The following COL16A1 variants were observed in gnomAD, a reference collection of about 807,000 sequenced individuals.
COL16A1 encodes the protein collagen type XVI alpha 1 chain.
Under a neutral mutation model 266.3 loss-of-function variants are expected in COL16A1, and 189 were observed. That is an observed-to-expected ratio of 0.71 (90% confidence interval 0.63 to 0.80). The LOEUF is 0.80. Ranked by LOEUF, COL16A1 falls within the 30% of genes least tolerant of loss-of-function variation. The probability of loss-of-function intolerance (pLI) is 0.00; values close to 1 mark genes in which losing one functional copy is unlikely to be tolerated. For missense variants in COL16A1, 1,928 were observed against 2,122.4 expected (o/e 0.91, Z 1.80); for synonymous variants, 740 against 782.3 (o/e 0.95, Z 0.90).
Position 31,665,156 on chromosome 1 carries a change from C to G in COL16A1, c.3555+16G>C, listed in dbSNP as rs377114893. 5.0e-5 allele frequency: 80 copies of G among 1,604,550 alleles called. No homozygotes were observed. Among genetic ancestry groups the G allele is most frequent in the Non-Finnish European group, 6.3e-5 (74 of 1,177,372 alleles). The stretch of plus-strand genomic sequence containing the variant: ...GGCTCAGATCTGTGACTTTGCCAAC[C>G]CAGGGTCCTGCTCACCTTCTCTGCT... On this transcript the variant is annotated intron_variant, in intron 56 of 70. Transcript: ENST00000373672.
chr1:31,661,580 T>A, intron 59 of COL16A1, 80 bp downstream of exon 59: 12 of 1,612,210 alleles, frequency 7.4e-6, no homozygotes, highest in Non-Finnish European at 1.0e-5. Flanking sequence ...CCACGGAGGA[T>A]CTGGATTTGA....
At position 31,657,203 on chromosome 1, in the gene COL16A1, C is replaced by T; in HGVS notation, c.4021-135G>A. 1 of 1,110,910 alleles carries T rather than the reference C, an allele frequency of 9.0e-7. No individual in the cohort carries two copies. Among genetic ancestry groups the T allele is most frequent in the Non-Finnish European group, 1.3e-6 (1 of 741,472 alleles). 68.8% of individuals were successfully genotyped at this position (1,110,910 alleles called of 1,614,324 possible). On this transcript the variant is annotated intron_variant, in intron 64 of 70. Transcript: ENST00000373672. The surrounding 1 kb of genome is among the most constrained non-coding windows in gnomAD (Gnocchi z 6.4). ...CGATCCTCCAGCCCTCACCCTCTGACAATCTGGGCACAGGCCGTGGAAACT... is the reference window on the plus strand; with the variant it reads ...CGATCCTCCAGCCCTCACCCTCTGATAATCTGGGCACAGGCCGTGGAAACT...
chr1:31,656,009 G>A lies in COL16A1; in HGVS notation c.4101+391C>T. On this transcript the variant is annotated intron_variant, in intron 66 of 70. Transcript: ENST00000373672. This position sits in a 1 kb window ranked among gnomAD's most constrained non-coding sequence, Gnocchi z 4.2. ...CCTCCCTCTCATCCCACAGCGCTATGTCTCATGTCTTCTGGAAAACTTGCC... is the reference window on the plus strand; with the variant it reads ...CCTCCCTCTCATCCCACAGCGCTATATCTCATGTCTTCTGGAAAACTTGCC... 1.5e-5 allele frequency: 5 copies of A among 330,750 alleles called. No individual in the cohort carries two copies. Among genetic ancestry groups the A allele is most frequent in the South Asian group, 1.4e-4 (5 of 34,702 alleles). 20.5% of individuals were successfully genotyped at this position (330,750 alleles called of 1,614,324 possible).
At chr1:31,655,948 G>T in intron 66 of COL16A1, 1 of 288,806 alleles carries the variant, frequency 3.5e-6, no homozygotes, top group Non-Finnish European at 6.6e-6. Flanking sequence ...TGTTCTCTCT[G>T]CAGCCTCTCC....
At chr1:31,673,093 G>A in intron 44 of COL16A1, 1 of 564,392 alleles carries the variant, frequency 1.8e-6, no homozygotes, top group South Asian at 1.9e-5. Flanking sequence ...CCACTTTCCA[G>A]ACAGGCATGT....
intron 37 of COL16A1, among the ~76,000 whole-genome samples, chr1:31,681,410 C>G (rs1643634302): frequency 6.6e-6 from 1 of 152,232 alleles, no homozygotes; most frequent in Non-Finnish European, 1.5e-5. Flanking sequence ...CCAGCTGCAG[C>G]CAGGCGTGTG....
intron 42 of COL16A1, 115 bp from the exon 43 acceptor site, chr1:31,675,426 C>T: frequency 2.1e-6 from 3 of 1,454,670 alleles, no homozygotes; most frequent in South Asian, 2.5e-5. Context: ...GAGCTGAGAG[C>T]CCTGGCTGGC....
In COL16A1 at chr1:31,656,005, C is replaced by T. The variant is rs1365852531; in HGVS notation, c.4101+395G>A. 1 of 330,298 alleles carries T rather than the reference C, an allele frequency of 3.0e-6. No homozygotes were observed. The highest frequency in any genetic ancestry group is 2.9e-5 in the South Asian group (1 of 34,646). The allele number at this position is 330,298 out of a possible 1,614,324, so 20.5% of individuals were successfully genotyped here. The stretch of plus-strand genomic sequence containing the variant: ...TGCTCCTCCCTCTCATCCCACAGCG[C>T]TATGTCTCATGTCTTCTGGAAAACT... On this transcript the variant is annotated intron_variant, in intron 66 of 70. Transcript: ENST00000373672. This position sits in a 1 kb window ranked among gnomAD's most constrained non-coding sequence, Gnocchi z 4.2.
rs1385286405 is a variant in COL16A1, at chr1:31,675,238, G to A, written c.2826+20C>T. 6.2e-7 allele frequency: 1 copy of A among 1,614,154 alleles called. No individual in the cohort carries two copies. On this transcript the variant is annotated intron_variant, in intron 43 of 70. Transcript: ENST00000373672. ...AGGGCAGGGAAGGGGCATGCACAGGGAGTCCTGGCCAGTACCCACCAGTTC... is the reference window on the plus strand; with the variant it reads ...AGGGCAGGGAAGGGGCATGCACAGGAAGTCCTGGCCAGTACCCACCAGTTC...
rs754122429 is a variant in COL16A1 at position 31,684,138 on chromosome 1, G to A, written c.2254C>T (p.Pro752Ser). 6.4e-7 allele frequency: 1 copy of A among 1,559,438 alleles called. No homozygotes were observed. Among genetic ancestry groups the A allele is most frequent in the South Asian group, 1.2e-5 (1 of 84,546 alleles). ...GQPGPKGEQG[P>S]EGVGRPGKPG... ...TTACCAGGTCGGCCCACGCCTTCGG[G>A]GCCCTGCTCTCCTTTGGGGCCGGGC... The change falls in exon 32 of 71, where the codon CCC (proline) becomes TCC (serine). Residue 752 changes from proline (P) to serine (S), a missense_variant. Pro to Ser is a moderately conservative substitution (Grantham distance 74, BLOSUM62 -1). Coordinates refer to ENST00000373672, the MANE Select transcript of COL16A1 (RefSeq NM_001856.4).
intron 17 of COL16A1, 96 bp downstream of exon 17, chr1:31,691,909 G>C: frequency 6.3e-7 from 1 of 1,577,448 alleles, no homozygotes; most frequent in Non-Finnish European, 8.7e-7. Context: ...CACCCTGTCT[G>C]AGCAAGGGGA....
chr1:31,690,541 A>G lies in COL16A1; in HGVS notation c.1470T>C (p.Pro490=), dbSNP rs1557680718. The G allele has an allele frequency of 1.9e-6, 3 of 1,613,906 alleles. No homozygotes were observed. The highest frequency in any genetic ancestry group is 2.2e-5 in the South Asian group (2 of 91,064). ...GSSGIPGKEG[P]GGKPGKPGVK... is the part of the protein sequence containing the mutation. ...TGGTGTCACTCACAGGTTTCCCACCAGGGCCTTCCTTTCCTGGGATCCCCG... is the reference window on the plus strand; with the variant it reads ...TGGTGTCACTCACAGGTTTCCCACCGGGGCCTTCCTTTCCTGGGATCCCCG... Residue 490 remains proline (P), a synonymous_variant, in exon 21 of 71, where the codon CCT becomes CCC. Transcript: ENST00000373672.
At chr1:31,701,767 A>C (rs965098575) in intron 2 of COL16A1, among the ~76,000 whole-genome samples, 2 of 152,090 alleles carry the variant, frequency 1.3e-5, no homozygotes, top group Non-Finnish European at 2.9e-5. Flanking sequence ...TCCCCACCCC[A>C]CTGGTCCTAC....
At position 31,697,396 on chromosome 1, in the gene COL16A1, G is replaced by A; in HGVS notation, c.658-96C>T. ...CACAGAGATGTCTCTGCCCCAGGAT[G>A]TGACCTCAGGGTGTTTCCAGTCTGG... On this transcript the variant is annotated intron_variant, in intron 6 of 70. Transcript: ENST00000373672. This position sits in a 1 kb window ranked among gnomAD's most constrained non-coding sequence, Gnocchi z 4.2. 1.6e-6 allele frequency: 2 copies of A among 1,260,006 alleles called. No individual in the cohort carries two copies. Among genetic ancestry groups the A allele is most frequent in the South Asian group, 2.8e-5 (2 of 71,372 alleles). 78.1% of individuals were successfully genotyped at this position (1,260,006 alleles called of 1,614,324 possible). A position where few individuals can be genotyped will look rare whatever the true frequency, so the allele number is the denominator to read the frequency against.
intron 44 of COL16A1, chr1:31,673,186 G>A (rs958009962): frequency 1.1e-5 from 4 of 370,412 alleles, no homozygotes; most frequent in Non-Finnish European, 2.1e-5. Context: ...CAAGCCACGA[G>A]GAGTGAGGCT....
chr1:31,683,728 T>C lies in COL16A1; in HGVS notation c.2358A>G (p.Gly786=). The change falls in exon 34 of 71, where the codon GGA becomes GGG. Residue 786 remains glycine (G), a synonymous_variant. Transcript: ENST00000373672. ...TCACCTGGGGTCCCTGGACTCCCCT[T>C]CCTGGAGGCCCTGGCTCTCCCTGAA... ...KGVQGEPGPP[G]RGVQGPQGEP... 1 of 1,614,106 alleles carries C rather than the reference T, an allele frequency of 6.2e-7. No individual in the cohort carries two copies. Among genetic ancestry groups the C allele is most frequent in the Non-Finnish European group, 8.5e-7 (1 of 1,179,986 alleles).
Position 31,688,988 on chromosome 1 carries a change from A to G in COL16A1, c.1657-17T>C. Reference sequence around the variant, plus strand: ...GGGCTCCCCCTGGGGAAAGAAGAGGAAGGATCAGAAATGCTTCCAGGTAGG... The same window carrying G: ...GGGCTCCCCCTGGGGAAAGAAGAGGGAGGATCAGAAATGCTTCCAGGTAGG... On this transcript the variant is annotated splice_polypyrimidine_tract_variant and intron_variant, in intron 24 of 70. Transcript: ENST00000373672. This position sits in a 1 kb window ranked among gnomAD's most constrained non-coding sequence, Gnocchi z 4.9. 1 of 1,614,034 alleles carries G rather than the reference A, an allele frequency of 6.2e-7. No homozygotes were observed. The highest frequency in any genetic ancestry group is 1.7e-5 in the Admixed American group (1 of 60,026).
At position 31,699,931 on chromosome 1, in the gene COL16A1, C is replaced by CT. The variant is rs766345053; in HGVS notation, c.149-2dup. ...CTGAGTCGGTGGATGAGGTTGAAGC[C>CT]TTTGGGGGAGACATCAGGTGAAGAG... On this transcript the variant is annotated splice_acceptor_variant, in intron 3 of 70. Transcript: ENST00000373672. LOFTEE classifies it high-confidence loss of function. 312 of 1,610,222 alleles carry CT rather than the reference C, an allele frequency of 1.9e-4. 1 individual carries two copies. The highest frequency in any genetic ancestry group is 2.4e-4 in the Non-Finnish European group (279 of 1,176,542).
In COL16A1 at chr1:31,683,788, C is replaced by T; in HGVS notation, c.2338-40G>A. ...GGACAGTCCCTGGCTCGAGGTTCCC[C>T]AGTCACCCTTTCCCCTTCTCCCCAG... is the stretch of plus-strand genomic sequence containing the variant. On this transcript the variant is annotated intron_variant, in intron 33 of 70. Coordinates refer to ENST00000373672, the MANE Select transcript of COL16A1 (RefSeq NM_001856.4). 3 of 1,613,842 alleles carry T rather than the reference C, an allele frequency of 1.9e-6. No individual in the cohort carries two copies. In the South Asian group the frequency reaches 3.3e-5, roughly 18 times the overall value.
Sources: gnomAD v4.1 joint callset for allele counts (sites outside exome capture counted in the v4.1 genomes callset) on GRCh38, gnomAD v4.1.1 for gene constraint, Gnocchi (gnomAD v3.1) non-coding constraint, MANE v1.5 for transcripts, NCBI Gene and HGNC (gene_info 2026-07-23, HGNC 2026-07-21) for gene names.